The following ATR variants were observed in gnomAD, a reference collection of about 807,000 sequenced individuals.
ATR encodes ATR checkpoint kinase.
A neutral mutation model predicts 305.3 loss-of-function variants in ATR; 142 were observed. The observed-to-expected ratio is 0.47, with a 90% confidence interval of 0.41 to 0.53. The LOEUF (loss-of-function observed/expected upper bound fraction) is 0.53, where lower values mean the gene tolerates loss of function less well. ATR is among the 20% of genes least tolerant of loss of function. The pLI, the probability that ATR is intolerant of heterozygous loss-of-function variation, is 0.00. For synonymous variants in ATR, 1,050 were observed against 1,068.1 expected (o/e 0.98, Z 0.33); for missense variants, 2,135 against 3,133.1 (o/e 0.68, Z 7.60).
chr3:142,553,528 A>AGAC, intron 12 of ATR, 112 bp downstream of exon 12: 1 of 1,450,646 alleles, frequency 6.9e-7, no homozygotes, highest in Non-Finnish European at 9.5e-7. Context: ...ATGTTGACTC[A>AGAC]CATTTTGTCT....
intron 46 of ATR, chr3:142,450,551 C>T (rs952058253): frequency 1.9e-6 from 3 of 1,607,072 alleles, no homozygotes; most frequent in Non-Finnish European, 2.6e-6. Flanking sequence ...AGGGAAGTAC[C>T]CTTTGAAGCA....
rs754646435 is a variant in ATR, at chr3:142,505,295, A to G, written c.5040T>C (p.Tyr1680=). The change falls in exon 29 of 47, where the codon TAT becomes TAC. Residue 1680 remains tyrosine, a synonymous_variant. Coordinates refer to ENST00000350721, the MANE Select transcript of ATR (RefSeq NM_001184.4). ...QEHLGFLQKL[Y]AAMHEPDGVA... ...CTCCATCAGGTTCATGCATAGCAGC[A>G]TACAATTTCTTTGTTCAATGATTAA... 9 of 1,613,730 alleles carry G rather than the reference A, an allele frequency of 5.6e-6. No homozygotes were observed. The highest frequency in any genetic ancestry group is 7.6e-6 in the Non-Finnish European group (9 of 1,179,880).
intron 15 of ATR, among the ~76,000 whole-genome samples, chr3:142,548,960 A>G (rs1301160477): frequency 6.6e-6 from 1 of 152,220 alleles, no homozygotes; most frequent in Non-Finnish European, 1.5e-5. Context: ...AGTTATATGC[A>G]TATTTCTCAT....
At chr3:142,538,421 T>A in intron 19 of ATR, 61 bp downstream of exon 19, 1 of 1,545,040 alleles carries the variant, frequency 6.5e-7, no homozygotes, top group South Asian at 1.2e-5. Flanking sequence ...ATCAGTAATT[T>A]TGAGACATAA....
chr3:142,486,692 T>C (rs1456114309), intron 35 of ATR, among the ~76,000 whole-genome samples: 1 of 152,104 alleles, frequency 6.6e-6, no homozygotes, highest in Non-Finnish European at 1.5e-5. Flanking sequence ...AAAGTTTATA[T>C]ACAGAAACAT....
chr3:142,517,487 G>C (rs1298468296), intron 24 of ATR, among the ~76,000 whole-genome samples: 1 of 152,202 alleles, frequency 6.6e-6, no homozygotes, highest in East Asian at 1.9e-4. Context: ...TTGAGCTACA[G>C]GCTAACCTGG....
chr3:142,519,422 C>T (rs1410111508), intron 24 of ATR, among the ~76,000 whole-genome samples: 4 of 152,000 alleles, frequency 2.6e-5, no homozygotes. Context: ...CTGCCCCAGC[C>T]TCCCAAGTAG....
intron 22 of ATR, among the ~76,000 whole-genome samples, chr3:142,523,116 T>A (rs1303167014): frequency 1.3e-5 from 2 of 152,170 alleles, no homozygotes; most frequent in Non-Finnish European, 2.9e-5. Context: ...TGTTTGTTTT[T>A]TAACCCTTAA....
chr3:142,449,440 G>C lies in ATR; in HGVS notation c.7924C>G (p.Pro2642Ala), dbSNP rs2070728554. 2 of 1,607,600 alleles carry C rather than the reference G, an allele frequency of 1.2e-6. No homozygotes were observed. Among genetic ancestry groups the C allele is most frequent in the Non-Finnish European group, 1.7e-6 (2 of 1,174,322 alleles). ...TACATAATTTCATTTCACATATATG[G>C]AGTCCAACCAAGATACATCTGGCAT... The part of the protein sequence containing the change: ...LLCQMYLGWT[P>A]YM Residue 2642 changes from proline (P) to alanine (A), a missense_variant, in exon 47 of 47, where the codon CCA becomes GCA. Physicochemically the swap from Pro to Ala is conservative, Grantham distance 27 (BLOSUM62 -1). Around this residue, in one of 9 missense-constraint regions of ATR, gnomAD observed 462 missense variants for 887.6 expected, o/e 0.52. Transcript: ENST00000350721.
At position 142,451,685 on chromosome 3, in the gene ATR, T is replaced by C; in HGVS notation, c.7761+1443A>G. 5.9e-6 allele frequency: 7 copies of C among 1,192,734 alleles called. No individual in the cohort carries two copies. In the South Asian group the frequency reaches 8.2e-5, roughly 14 times the overall value. The allele number at this position is 1,192,734 out of a possible 1,614,324, so 73.9% of individuals were successfully genotyped here. A position where few individuals can be genotyped will look rare whatever the true frequency, so the allele number is the denominator to read the frequency against. ...GCCTCCAACTCCTGGGGTCAAGTGA[T>C]CCTCCCACCTCAGCCTCCCAAGTAG... is the stretch of plus-strand genomic sequence containing the variant. On this transcript the variant is annotated intron_variant, in intron 46 of 46. Coordinates refer to ENST00000350721, the MANE Select transcript of ATR (RefSeq NM_001184.4).
intron 43 of ATR, 37 bp from the exon 44 acceptor site, chr3:142,459,148 C>T (rs2108260870): frequency 1.9e-6 from 3 of 1,613,142 alleles, no homozygotes; most frequent in Non-Finnish European, 2.5e-6. Context: ...TATCCATATA[C>T]ATATGAGGCC....
chr3:142,464,112 A>T (rs757739515), intron 41 of ATR, among the ~76,000 whole-genome samples: 3 of 152,100 alleles, frequency 2.0e-5, no homozygotes, highest in Non-Finnish European at 4.4e-5. Context: ...GCTAATGATT[A>T]CCTTTTATTT....
rs182242346 is a variant in ATR at position 142,550,353 on chromosome 3, A to C, written c.2806-51T>G. 468 of 1,573,618 alleles carry C rather than the reference A, an allele frequency of 3.0e-4. 4 individuals are homozygous for C. The African/African-American group carries it at 5.2e-3, about 18-fold the overall frequency. ...AGTTTTCACACAAAGAAGAAATTTT[A>C]ACTAATACTTTTTAAGCCACCATAG... On this transcript the variant is annotated intron_variant, in intron 13 of 46. Coordinates refer to ENST00000350721, the MANE Select transcript of ATR (RefSeq NM_001184.4).
At chr3:142,463,944 T>C (rs989259874) in intron 41 of ATR, among the ~76,000 whole-genome samples, 6 of 152,186 alleles carry the variant, frequency 3.9e-5, no homozygotes, top group African/African-American at 1.4e-4. Flanking sequence ...TATAGATCAA[T>C]TTTTACCAAT....
intron 36 of ATR, among the ~76,000 whole-genome samples, chr3:142,474,488 G>C (rs1369086661): frequency 6.6e-6 from 1 of 151,858 alleles, no homozygotes. Flanking sequence ...TATTTTTGTA[G>C]CTACTGTAAA....
At position 142,562,316 on chromosome 3, in the gene ATR, T is replaced by C; in HGVS notation, c.1086A>G (p.Glu362=). The C allele has an allele frequency of 6.2e-7, 1 of 1,614,156 alleles. No homozygotes were observed. The highest frequency in any genetic ancestry group is 8.5e-7 in the Non-Finnish European group (1 of 1,179,998). Residue 362 remains glutamate, a synonymous_variant, in exon 4 of 47, where the codon GAA becomes GAG. Transcript: ENST00000350721. ...AGACCTTCCTGACTTGTAAAGCAGA[T>C]TCATACCCAGCTGGCACAAATTTAA... ...YFLKFVPAGY[E]SALQVRKVYV...
intron 8 of ATR, among the ~76,000 whole-genome samples, chr3:142,557,692 G>T (rs1438229912): frequency 6.6e-6 from 1 of 152,198 alleles, no homozygotes; most frequent in Non-Finnish European, 1.5e-5. Flanking sequence ...GAGTGCAGGG[G>T]TGCAATCTTG....
intron 12 of ATR, 33 bp from the exon 13 acceptor site, chr3:142,553,431 C>T (rs1559988703): frequency 8.7e-6 from 13 of 1,489,276 alleles, no homozygotes; most frequent in African/African-American, 3.1e-5. Context: ...TATGAATACA[C>T]AAACACACAC....
intron 44 of ATR, among the ~76,000 whole-genome samples, chr3:142,458,031 G>T (rs1455051645): frequency 2.0e-5 from 3 of 152,100 alleles, no homozygotes; most frequent in Admixed American, 6.5e-5. Flanking sequence ...GTATTACAGA[G>T]AAATTTTATG....
Sources: allele counts gnomAD v4.1 joint callset (sites outside exome capture counted in the v4.1 genomes callset), GRCh38; gene constraint gnomAD v4.1.1; regional missense constraint gnomAD v4.1.1; transcripts MANE v1.5; gene names NCBI Gene and HGNC (gene_info 2026-07-23, HGNC 2026-07-21).